UCN3: variants seen among roughly 807,000 people sequenced by gnomAD.
UCN3 encodes urocortin-3.
In UCN3, 3 loss-of-function variants were observed where a neutral mutation model predicts 3.6. The observed-to-expected ratio is 0.83, with a 90% confidence interval of 0.38 to 2.15. The LOEUF (loss-of-function observed/expected upper bound fraction) is 2.15. Among genes scored for constraint, UCN3 ranks in the 30% most tolerant of loss-of-function variants. The pLI, the probability that UCN3 is intolerant of heterozygous loss-of-function variation, is 0.06. For synonymous variants in UCN3, 100 were observed against 93.2 expected (o/e 1.07, Z -0.42); for missense variants, 206 against 208.3 (o/e 0.99, Z 0.07).
chr10:5,371,495 CT>C (rs1396460713), intron 1 of UCN3, among the ~76,000 whole-genome samples: 3 of 152,106 alleles, frequency 2.0e-5, no homozygotes, highest in Admixed American at 6.5e-5. Context: ...CAGGATCCTC[CT>C]TTAGAAAGAG....
intron 1 of UCN3, among the ~76,000 whole-genome samples, chr10:5,371,222 A>G (rs952920928): frequency 6.7e-6 from 1 of 149,964 alleles, no homozygotes; most frequent in African/African-American, 2.5e-5. Flanking sequence ...ATATGTGTGC[A>G]TGTATAAATA....
chr10:5,372,470 C>G (rs1270970565), intron 1 of UCN3, among the ~76,000 whole-genome samples: 1 of 152,208 alleles, frequency 6.6e-6, no homozygotes, highest in Non-Finnish European at 1.5e-5. Flanking sequence ...CGCTTAAAGC[C>G]TGAACAGTCC....
In UCN3 at chr10:5,365,829, C is replaced by G. The variant is rs1205745110; in HGVS notation, c.-7+599C>G. Among the ~76,000 whole-genome samples the G allele has an allele frequency of 1.3e-5, 2 of 152,156 alleles. No homozygotes were observed. Among genetic ancestry groups the G allele is most frequent in the African/African-American group, 4.8e-5 (2 of 41,424 alleles). Reference sequence around the variant, plus strand: ...GCAAGGGAGTTTCCCCAGCCAGGTCCTCTGCCACCAAAGCCCAGAGCCCTT... The same window carrying G: ...GCAAGGGAGTTTCCCCAGCCAGGTCGTCTGCCACCAAAGCCCAGAGCCCTT... On this transcript the variant is annotated intron_variant, in intron 1 of 1. Transcript: ENST00000380433. The surrounding 1 kb of genome is among the most constrained non-coding windows in gnomAD (Gnocchi z 4.4).
At chr10:5,370,504 C>CGTGTGTATATGTGTGTGTATGTGT (rs1564443087) in intron 1 of UCN3, among the ~76,000 whole-genome samples, 1 of 20,548 alleles carries the variant, frequency 4.9e-5, no homozygotes, top group Non-Finnish European at 9.2e-5. Context: ...TGTGTATATG[C>CGTGTGTATATGTGTGTGTATGTGT]GTGTGTATAT....
intron 1 of UCN3, among the ~76,000 whole-genome samples, chr10:5,370,902 T>TTC (rs1831411064): frequency 6.7e-6 from 1 of 148,976 alleles, no homozygotes; most frequent in Non-Finnish European, 1.5e-5. Context: ...TATGCGTGTG[T>TTC]ATATGCGTGT....
rs1564442548 is a variant in UCN3, at chr10:5,370,211, A to ATGTGCGTGTGTATG, written c.-6-3500_-6-3499insCGTGTGTATGTGTG. 4.7e-4 allele frequency among the ~76,000 whole-genome samples: 8 copies of ATGTGCGTGTGTATG among 16,876 alleles called. 3 individuals carry two copies. Among genetic ancestry groups the ATGTGCGTGTGTATG allele is most frequent in the Admixed American group, 1.6e-3 (2 of 1,246 alleles). The allele number at this position is 16,876 out of a possible 152,430, so 11.1% of individuals were successfully genotyped here. A position where few individuals can be genotyped will look rare whatever the true frequency, so the allele number is the denominator to read the frequency against. Reference sequence around the variant, plus strand: ...TATATGCGTGTGTATATGCGTGTGTATGTGTGTGTATGTGCGTGTGTGTAT... The same window carrying ATGTGCGTGTGTATG: ...TATATGCGTGTGTATATGCGTGTGTATGTGCGTGTGTATGTGTGTGTGTATGTGCGTGTGTGTAT... On this transcript the variant is annotated intron_variant, in intron 1 of 1. Coordinates refer to ENST00000380433, the MANE Select transcript of UCN3 (RefSeq NM_053049.4).
chr10:5,365,793 A>G lies in UCN3; in HGVS notation c.-7+563A>G, dbSNP rs1191157788. Among the ~76,000 whole-genome samples the G allele has an allele frequency of 6.6e-6, 1 of 152,164 alleles. No individual in the cohort carries two copies. The highest frequency in any genetic ancestry group is 1.5e-5 in the Non-Finnish European group (1 of 68,036). ...ATGCAGGTTAAGGGATTCACCCAAG[A>G]AAAGTCAGAGGCAAGGGAGTTTCCC... On this transcript the variant is annotated intron_variant, in intron 1 of 1. Transcript: ENST00000380433. The surrounding 1 kb of genome is among the most constrained non-coding windows in gnomAD (Gnocchi z 4.4).
intron 1 of UCN3, among the ~76,000 whole-genome samples, chr10:5,369,889 G>GTGTGTGTGTATA (rs1321393011): frequency 8.1e-6 from 1 of 123,622 alleles, no homozygotes; most frequent in African/African-American, 3.4e-5. Flanking sequence ...GTGTGTATAT[G>GTGTGTGTGTATA]TGTGTGTGTA....
intron 1 of UCN3, among the ~76,000 whole-genome samples, chr10:5,372,840 C>G (rs1215307592): frequency 1.3e-5 from 2 of 151,736 alleles, no homozygotes; most frequent in Non-Finnish European, 2.9e-5. Context: ...CAGGTGTGAG[C>G]CACCGTGCCT....
At chr10:5,371,747 C>G (rs1404698099) in intron 1 of UCN3, among the ~76,000 whole-genome samples, 1 of 152,216 alleles carries the variant, frequency 6.6e-6, no homozygotes, top group Non-Finnish European at 1.5e-5. Context: ...CAGCCTCACG[C>G]TGCTGAAGGC....
intron 1 of UCN3, among the ~76,000 whole-genome samples, chr10:5,373,332 C>A (rs1463603667): frequency 6.6e-6 from 1 of 152,142 alleles, no homozygotes; most frequent in African/African-American, 2.4e-5. Context: ...CTATGGTAGG[C>A]TGCTAGGTGC....
At position 5,374,108 on chromosome 10, in the gene UCN3, A is replaced by T; in HGVS notation, c.388A>T (p.Ile130Phe). 6.2e-7 allele frequency: 1 copy of T among 1,613,346 alleles called. No homozygotes were observed. Among genetic ancestry groups the T allele is most frequent in the Non-Finnish European group, 8.5e-7 (1 of 1,179,848 alleles). The change falls in exon 2 of 2, where the codon ATC becomes TTC. Residue 130 changes from isoleucine (I) to phenylalanine (F), a missense_variant. By Grantham distance (21) the Ile-to-Phe change is conservative. Coordinates refer to ENST00000380433, the MANE Select transcript of UCN3 (RefSeq NM_053049.4). ...CCTGTCCCTCGACGTCCCCACCAAC[A>T]TCATGAACCTCCTCTTCAACATCGC... is the stretch of plus-strand genomic sequence containing the variant. ...FTLSLDVPTN[I>F]MNLLFNIAKA...
At chr10:5,373,650 T>A in intron 1 of UCN3, 65 bp from the exon 2 acceptor site, 1 of 1,552,198 alleles carries the variant, frequency 6.4e-7, no homozygotes, top group Admixed American at 1.9e-5. Flanking sequence ...TAGATTTTAA[T>A]CCAGGTCCTC....
chr10:5,372,741 G>C (rs1214996161), intron 1 of UCN3, among the ~76,000 whole-genome samples: 1 of 135,944 alleles, frequency 7.4e-6, no homozygotes, highest in Non-Finnish European at 1.6e-5. Context: ...TTTTTGTAGA[G>C]ATGAGGTCTT....
chr10:5,370,562 T>TGTGTATATGC, intron 1 of UCN3, among the ~76,000 whole-genome samples: 1 of 120,654 alleles, frequency 8.3e-6, no homozygotes, highest in Non-Finnish European at 1.7e-5. Flanking sequence ...TGTATATGTG[T>TGTGTATATGC]GTGTATATGC....
chr10:5,367,800 C>T lies in UCN3; in HGVS notation c.-7+2570C>T, dbSNP rs10399974. 0.31 allele frequency among the ~76,000 whole-genome samples: 47,497 copies of T among 151,928 alleles called. 7,702 individuals are homozygous for T. Among genetic ancestry groups the T allele is most frequent in the South Asian group, 0.49 (2,347 of 4,814 alleles). On this transcript the variant is annotated intron_variant, in intron 1 of 1. Transcript: ENST00000380433. This position sits in a 1 kb window ranked among gnomAD's most constrained non-coding sequence, Gnocchi z 4.3. ...CAATTATTCTGCAAAGTTCTAAGTG[C>T]TTGAGGGTAAATGCAGAATGCTGCC...
At position 5,367,091 on chromosome 10, in the gene UCN3, G is replaced by C. The variant is rs1255414935; in HGVS notation, c.-7+1861G>C. 6.6e-6 allele frequency among the ~76,000 whole-genome samples: 1 copy of C among 152,128 alleles called. No homozygotes were observed. The highest frequency in any genetic ancestry group is 1.5e-5 in the Non-Finnish European group (1 of 68,026). ...AAAAAGTAAATATAGAGGTAAAAGG[G>C]ATCTCACTCCCTCTCCCCAATGCCT... On this transcript the variant is annotated intron_variant, in intron 1 of 1. Coordinates refer to ENST00000380433, the MANE Select transcript of UCN3 (RefSeq NM_053049.4). This position sits in a 1 kb window ranked among gnomAD's most constrained non-coding sequence, Gnocchi z 4.3.
intron 1 of UCN3, among the ~76,000 whole-genome samples, chr10:5,370,438 CGTGT>C (rs1191165237): frequency 1.3e-4 from 2 of 15,094 alleles, no homozygotes; most frequent in Non-Finnish European, 2.5e-4. Flanking sequence ...TGTGTATATG[CGTGT>C]GTATGTGTGT....
In UCN3 at chr10:5,366,914, C is replaced by T. The variant is rs1260292359; in HGVS notation, c.-7+1684C>T. On this transcript the variant is annotated intron_variant, in intron 1 of 1. Transcript: ENST00000380433. This position sits in a 1 kb window ranked among gnomAD's most constrained non-coding sequence, Gnocchi z 4.2. ...AACAGAGCGCCACGCAGGACACTTG[C>T]TCCCTGACACTTTCACAGATTTTTC... Among the ~76,000 whole-genome samples, 2 of 152,208 alleles carry T rather than the reference C, an allele frequency of 1.3e-5. No individual in the cohort carries two copies. The highest frequency in any genetic ancestry group is 4.8e-5 in the African/African-American group (2 of 41,448).
Sources: allele counts gnomAD v4.1 joint callset (sites outside exome capture counted in the v4.1 genomes callset), GRCh38; gene constraint gnomAD v4.1.1; non-coding constraint Gnocchi (gnomAD v3.1); transcripts MANE v1.5; gene names NCBI Gene and HGNC (gene_info 2026-07-23, HGNC 2026-07-21).